Variants in PTPRD observed in about 807,000 individuals in gnomAD.
PTPRD encodes the protein protein tyrosine phosphatase receptor type D.
Under a neutral mutation model 214.5 loss-of-function variants are expected in PTPRD, and 34 were observed. That is an observed-to-expected ratio of 0.16 (90% CI 0.12 to 0.21). The LOEUF is 0.21. Among genes scored for constraint, PTPRD ranks in the 10% least tolerant of loss-of-function variants. PTPRD has a pLI of 1.00. For missense variants in PTPRD, 2,545 were observed against 2,398.7 expected, an observed-to-expected ratio of 1.06 and a Z score of -1.27; for synonymous variants, 1,128 against 845.7, an observed-to-expected ratio of 1.33 and a Z score of -5.79.
At chr9:8,428,105 G>A (rs2131996649) in intron 35 of PTPRD, among the ~76,000 whole-genome samples, 1 of 152,222 alleles carries the variant, frequency 6.6e-6, no homozygotes, top group South Asian at 2.1e-4. Flanking sequence ...TTTGAGCTAG[G>A]GGCCAAACTG....
At chr9:8,438,862 T>G (rs975184745) in intron 34 of PTPRD, 1 of 152,080 alleles carries the variant, frequency 6.6e-6, no homozygotes. Flanking sequence ...AAAGTATTAG[T>G]ATAACAGCAG....
intron 32 of PTPRD, among the ~76,000 whole-genome samples, chr9:8,461,851 T>C (rs55696959): frequency 2.0e-3 from 309 of 152,164 alleles, no homozygotes; most frequent in Non-Finnish European, 3.8e-3. Context: ...GGTCTCACCA[T>C]GTTTCCCAGG....
intron 9 of PTPRD, among the ~76,000 whole-genome samples, chr9:9,359,495 A>T (rs1281182345): frequency 1.3e-5 from 2 of 151,264 alleles, no homozygotes; most frequent in Non-Finnish European, 3.0e-5. Flanking sequence ...GCAAACACAT[A>T]GCTAAATTGA....
At chr9:10,060,544 T>G (rs892832090) in intron 3 of PTPRD, among the ~76,000 whole-genome samples, 1 of 151,988 alleles carries the variant, frequency 6.6e-6, no homozygotes, top group Non-Finnish European at 1.5e-5. Flanking sequence ...CTCATGAACA[T>G]GACAGAAATG....
intron 11 of PTPRD, among the ~76,000 whole-genome samples, chr9:8,945,889 C>G (rs1041229559): frequency 1.3e-5 from 2 of 152,224 alleles, no homozygotes; most frequent in South Asian, 4.1e-4. Context: ...ATAAGCCAGT[C>G]AACAATTACA....
chr9:8,640,894 A>T lies in PTPRD; in HGVS notation c.65-4050T>A, dbSNP rs992987673. On this transcript the variant is annotated intron_variant, in intron 12 of 45. Transcript: ENST00000381196. ...TTCACTAAGCATGGGTGGTGCATAT[A>T]TAATCATTTTTGCTGGTCAAACTCT... Among the ~76,000 whole-genome samples the T allele has an allele frequency of 3.0e-5, 4 of 133,320 alleles. 1 individual carries two copies. The highest frequency in any genetic ancestry group is 1.6e-4 in the African/African-American group (4 of 24,504). 87.5% of individuals were successfully genotyped at this position (133,320 alleles called of 152,430 possible).
intron 9 of PTPRD, among the ~76,000 whole-genome samples, chr9:9,386,328 C>G (rs1483387530): frequency 1.3e-5 from 2 of 152,056 alleles, no homozygotes; most frequent in Non-Finnish European, 1.5e-5. Context: ...CACATTGAAC[C>G]AATGAGGTAC....
intron 12 of PTPRD, among the ~76,000 whole-genome samples, chr9:8,672,864 A>C (rs2097315137): frequency 1.4e-5 from 2 of 146,562 alleles, no homozygotes; most frequent in East Asian, 2.0e-4. Flanking sequence ...GTGGGTGGGT[A>C]TGTGGGGGTG....
intron 8 of PTPRD, among the ~76,000 whole-genome samples, chr9:9,470,550 G>C (rs1477369704): frequency 6.6e-6 from 1 of 152,176 alleles, no homozygotes; most frequent in East Asian, 1.9e-4. Flanking sequence ...TTTTCTAACA[G>C]TATACACTTA....
chr9:8,643,272 G>A (rs1012487435), intron 12 of PTPRD, among the ~76,000 whole-genome samples: 5 of 151,954 alleles, frequency 3.3e-5, no homozygotes, highest in Non-Finnish European at 7.4e-5. Flanking sequence ...TGTTTTCAAA[G>A]AGTCTTGCAA....
chr9:9,219,590 C>T (rs1216289098), intron 9 of PTPRD, among the ~76,000 whole-genome samples: 1 of 152,082 alleles, frequency 6.6e-6, no homozygotes, highest in East Asian at 1.9e-4. Flanking sequence ...TATAGAATAA[C>T]CCTGTTTACA....
At chr9:8,986,997 G>A (rs116116064) in intron 11 of PTPRD, among the ~76,000 whole-genome samples, 524 of 151,934 alleles carry the variant, frequency 3.4e-3, no homozygotes, top group African/African-American at 0.012. Context: ...TTGCTTCCTG[G>A]TTTATATTTG....
At chr9:10,351,535 C>T (rs1461528858) in intron 2 of PTPRD, among the ~76,000 whole-genome samples, 3 of 151,902 alleles carry the variant, frequency 2.0e-5, no homozygotes, top group South Asian at 2.1e-4. Context: ...TAAATAGCCA[C>T]GTTGGAGTCA....
intron 3 of PTPRD, among the ~76,000 whole-genome samples, chr9:10,131,845 G>T (rs548745657): frequency 2.0e-5 from 3 of 152,020 alleles, no homozygotes; most frequent in Non-Finnish European, 4.4e-5. Flanking sequence ...CACCTGTTTG[G>T]AGATTTTCCC....
chr9:8,430,284 T>A (rs1280886278), intron 35 of PTPRD, among the ~76,000 whole-genome samples: 2 of 152,024 alleles, frequency 1.3e-5, no homozygotes, highest in African/African-American at 4.8e-5. Context: ...TTTTTACTTT[T>A]TTTCAGACAG....
At chr9:9,759,296 G>C (rs182153022) in intron 6 of PTPRD, among the ~76,000 whole-genome samples, 1 of 152,144 alleles carries the variant, frequency 6.6e-6, no homozygotes, top group African/African-American at 2.4e-5. Flanking sequence ...TGTACCATTG[G>C]TAAACTGGCA....
At chr9:10,295,660 G>A (rs1596364002) in intron 3 of PTPRD, among the ~76,000 whole-genome samples, 1 of 151,960 alleles carries the variant, frequency 6.6e-6, no homozygotes. Context: ...CTATTTCCTG[G>A]GTCTTGTAAA....
chr9:9,908,837 G>T (rs1461607705), intron 5 of PTPRD, among the ~76,000 whole-genome samples: 1 of 151,898 alleles, frequency 6.6e-6, no homozygotes, highest in Non-Finnish European at 1.5e-5. Context: ...CTAGGTCTAA[G>T]AATAAAAATA....
intron 14 of PTPRD, among the ~76,000 whole-genome samples, chr9:8,557,445 T>C (rs1303896506): frequency 7.8e-6 from 1 of 127,822 alleles, no homozygotes; most frequent in African/African-American, 4.8e-5. Context: ...CATATATATA[T>C]ATATATATAT....
Sources: allele counts gnomAD v4.1 joint callset (sites outside exome capture counted in the v4.1 genomes callset), GRCh38; gene constraint gnomAD v4.1.1; transcripts MANE v1.5; gene names NCBI Gene and HGNC (gene_info 2026-07-23, HGNC 2026-07-21).